ERN1: variants seen among roughly 807,000 people sequenced by gnomAD.
The protein encoded by ERN1 is serine/threonine-protein kinase/endoribonuclease IRE1.
ERN1 carries 39 observed loss-of-function variants against 113.1 expected under a neutral mutation model. That is an observed-to-expected ratio of 0.34 (90% CI 0.27 to 0.45). The LOEUF (loss-of-function observed/expected upper bound fraction) is 0.45. Among genes scored for constraint, ERN1 ranks in the 20% least tolerant of loss-of-function variants. ERN1 has a pLI of 1.00. For synonymous variants in ERN1, 507 were observed against 515.9 expected (o/e 0.98, Z 0.23); for missense variants, 976 against 1,274.8 (o/e 0.77, Z 3.57).
Position 64,060,582 on chromosome 17 carries a change from G to A in ERN1, c.1093C>T (p.His365Tyr). 2 of 1,608,684 alleles carry A rather than the reference G, an allele frequency of 1.2e-6. No individual in the cohort carries two copies. Among genetic ancestry groups the A allele is most frequent in the Non-Finnish European group, 1.7e-6 (2 of 1,175,068 alleles). Reference sequence around the variant, plus strand: ...GTAGACGCAGACAGTGGGGTTTCATGGTGTCCTATGACAGGAAACAAAACC... The same window carrying A: ...GTAGACGCAGACAGTGGGGTTTCATAGTGTCCTATGACAGGAAACAAAACC... ...LRNYWLLIGH[H>Y]ETPLSASTKM... The change falls in exon 11 of 22, where the codon CAT (histidine) becomes TAT (tyrosine). Residue 365 changes from histidine to tyrosine, a missense_variant. Physicochemically the swap from His to Tyr is moderately conservative, Grantham distance 83 (BLOSUM62 2). Transcript: ENST00000433197.
At chr17:64,069,561 C>A (rs1331895191) in intron 6 of ERN1, among the ~76,000 whole-genome samples, 1 of 152,152 alleles carries the variant, frequency 6.6e-6, no homozygotes, top group Non-Finnish European at 1.5e-5. Flanking sequence ...AAGGAATATT[C>A]CCTACCCCTG....
chr17:64,118,707 A>T (rs1364362085), intron 1 of ERN1, among the ~76,000 whole-genome samples: 4 of 152,188 alleles, frequency 2.6e-5, no homozygotes, highest in Non-Finnish European at 5.9e-5. Flanking sequence ...AACAACTGAG[A>T]TGGGTCCGGG....
Position 64,044,282 on chromosome 17 carries a change from C to T in ERN1, c.2722-82G>A. ...GTTGGCAAAACACCCTTTCATCATG[C>T]AAGGAAGAGACAGAATGTGAGTGTT... is the stretch of plus-strand genomic sequence containing the variant. On this transcript the variant is annotated intron_variant, in intron 21 of 21. Coordinates refer to ENST00000433197, the MANE Select transcript of ERN1 (RefSeq NM_001433.5). The surrounding 1 kb of genome is among the most constrained non-coding windows in gnomAD (Gnocchi z 4.1). 1 of 969,252 alleles carries T rather than the reference C, an allele frequency of 1.0e-6. No individual in the cohort carries two copies. The highest frequency in any genetic ancestry group is 1.5e-6 in the Non-Finnish European group (1 of 673,630). The allele number at this position is 969,252 out of a possible 1,614,324, so 60.0% of individuals were successfully genotyped here.
chr17:64,110,034 T>C (rs1391034148), intron 1 of ERN1, among the ~76,000 whole-genome samples: 1 of 152,126 alleles, frequency 6.6e-6, no homozygotes, highest in Non-Finnish European at 1.5e-5. Context: ...CTGCAAATTA[T>C]ACAGGGAGGG....
intron 1 of ERN1, among the ~76,000 whole-genome samples, chr17:64,109,309 A>G (rs1020906111): frequency 1.3e-5 from 2 of 152,208 alleles, no homozygotes; most frequent in Non-Finnish European, 2.9e-5. Flanking sequence ...AGTCAAGTAG[A>G]AAGTGGAAAA....
chr17:64,058,269 A>AT (rs1020364564), intron 11 of ERN1, among the ~76,000 whole-genome samples: 1 of 151,994 alleles, frequency 6.6e-6, no homozygotes, highest in Non-Finnish European at 1.5e-5. Context: ...GACCCTACAT[A>AT]TTTTTTTCAA....
intron 2 of ERN1, among the ~76,000 whole-genome samples, chr17:64,091,865 G>A (rs1914099368): frequency 6.6e-6 from 1 of 152,196 alleles, no homozygotes; most frequent in African/African-American, 2.4e-5. Flanking sequence ...TAGCAGTGGT[G>A]AAGGGCCAGT....
intron 1 of ERN1, among the ~76,000 whole-genome samples, chr17:64,111,899 T>A (rs1352949972): frequency 6.6e-6 from 1 of 152,122 alleles, no homozygotes; most frequent in African/African-American, 2.4e-5. Context: ...AAAGAAATCA[T>A]CAGGAAGTAA....
At chr17:64,080,726 TGAA>T in intron 3 of ERN1, 46 bp downstream of exon 3, 2 of 1,572,014 alleles carry the variant, frequency 1.3e-6, no homozygotes, top group Non-Finnish European at 1.7e-6. Flanking sequence ...ACTGATTGAA[TGAA>T]GAAGACTGAA....
intron 1 of ERN1, among the ~76,000 whole-genome samples, chr17:64,125,677 C>T (rs1181350752): frequency 1.3e-5 from 2 of 152,082 alleles, no homozygotes; most frequent in Non-Finnish European, 2.9e-5. Context: ...TTAGTACAGA[C>T]GGAGTTTTGC....
At chr17:64,126,279 G>C (rs1327086786) in intron 1 of ERN1, among the ~76,000 whole-genome samples, 1 of 152,110 alleles carries the variant, frequency 6.6e-6, no homozygotes, top group Non-Finnish European at 1.5e-5. Context: ...TCTCTTTAGG[G>C]AGACATTTGA....
chr17:64,061,299 G>T (rs536038053), intron 10 of ERN1, among the ~76,000 whole-genome samples: 1 of 152,322 alleles, frequency 6.6e-6, no homozygotes, highest in African/African-American at 2.4e-5. Flanking sequence ...CTCTAAAAAT[G>T]AGTCCACATA....
At chr17:64,093,257 G>T (rs1010016152) in intron 2 of ERN1, among the ~76,000 whole-genome samples, 3 of 152,218 alleles carry the variant, frequency 2.0e-5, no homozygotes, top group Admixed American at 1.3e-4. Context: ...TTAAAGGTAT[G>T]TGTTTGCATC....
chr17:64,049,238 C>G lies in ERN1; in HGVS notation c.2254-36G>C. ...ACATGAGGCGTGAGAGGTCTGGGAG[C>G]AGAGTTTTCATCCTCACTCACAGTC... On this transcript the variant is annotated intron_variant, in intron 17 of 21. Coordinates refer to ENST00000433197, the MANE Select transcript of ERN1 (RefSeq NM_001433.5). This position sits in a 1 kb window ranked among gnomAD's most constrained non-coding sequence, Gnocchi z 4.7. 1 of 1,537,422 alleles carries G rather than the reference C, an allele frequency of 6.5e-7. No individual in the cohort carries two copies. Among genetic ancestry groups the G allele is most frequent in the Non-Finnish European group, 8.8e-7 (1 of 1,131,444 alleles).
chr17:64,086,885 T>C (rs1476986712), intron 2 of ERN1, among the ~76,000 whole-genome samples: 2 of 151,910 alleles, frequency 1.3e-5, no homozygotes, highest in African/African-American at 2.4e-5. Flanking sequence ...ACCTCGTGAT[T>C]CACCCGCCGT....
At position 64,127,574 on chromosome 17, in the gene ERN1, T is replaced by C. The variant is rs143990427; in HGVS notation, c.54+2402A>G. On this transcript the variant is annotated intron_variant, in intron 1 of 21. Coordinates refer to ENST00000433197, the MANE Select transcript of ERN1 (RefSeq NM_001433.5). Reference sequence around the variant, plus strand: ...TTCGAGACCAACCTGGCCAACATGGTGAAACCACGTCTCTACTAAAAATAC... The same window carrying C: ...TTCGAGACCAACCTGGCCAACATGGCGAAACCACGTCTCTACTAAAAATAC... 4.8e-3 allele frequency among the ~76,000 whole-genome samples: 724 copies of C among 152,030 alleles called. 3 individuals are homozygous for C. The highest frequency in any genetic ancestry group is 8.5e-3 in the Non-Finnish European group (576 of 67,970).
intron 1 of ERN1, 116 bp downstream of exon 1, chr17:64,129,860 C>T: frequency 9.8e-7 from 1 of 1,023,246 alleles, no homozygotes; most frequent in Non-Finnish European, 1.3e-6. Context: ...CACGGGGCAT[C>T]TGGCCGCCGC....
chr17:64,119,241 T>C (rs903206386), intron 1 of ERN1, among the ~76,000 whole-genome samples: 4 of 152,042 alleles, frequency 2.6e-5, no homozygotes, highest in African/African-American at 9.7e-5. Flanking sequence ...ATATAAGGCC[T>C]ATTAGTTAAA....
At chr17:64,091,197 AAC>A (rs1914078710) in intron 2 of ERN1, among the ~76,000 whole-genome samples, 1 of 152,208 alleles carries the variant, frequency 6.6e-6, no homozygotes, top group South Asian at 2.1e-4. Flanking sequence ...ACAGATCTCC[AAC>A]TCTTCCAGAG....
Sources: allele counts gnomAD v4.1 joint callset (sites outside exome capture counted in the v4.1 genomes callset), GRCh38; gene constraint gnomAD v4.1.1; non-coding constraint Gnocchi (gnomAD v3.1); transcripts MANE v1.5; gene names NCBI Gene and HGNC (gene_info 2026-07-23, HGNC 2026-07-21).